Variants in GPHN observed in about 807,000 individuals in gnomAD.
The protein encoded by GPHN is gephyrin.
In GPHN, 17 loss-of-function variants were observed where a neutral mutation model predicts 95.5. That is an observed-to-expected ratio of 0.18 (90% CI 0.12 to 0.27). GPHN has a LOEUF of 0.27. Among genes scored for constraint, GPHN ranks in the 10% least tolerant of loss-of-function variants. The pLI, the probability that GPHN is intolerant of heterozygous loss-of-function variation, is 1.00. For missense variants in GPHN, 660 were observed against 978.1 expected, an observed-to-expected ratio of 0.67 and a Z score of 4.34; for synonymous variants, 320 against 322.5, an observed-to-expected ratio of 0.99 and a Z score of 0.08.
the GPHN span, among the ~76,000 whole-genome samples, chr14:67,209,555 C>T: frequency 0.16 from 23,741 of 151,886 alleles, 3,487 homozygotes; most frequent in East Asian, 0.42. Context: ...TGTGGTGGCT[C>T]ATGCCTGTAG....
chr14:67,087,128 A>G (rs1263682462), intron 11 of GPHN, among the ~76,000 whole-genome samples: 1 of 152,074 alleles, frequency 6.6e-6, no homozygotes, highest in Non-Finnish European at 1.5e-5. Flanking sequence ...GTGAGATTAT[A>G]TATGTGATTC....
chr14:67,267,165 G>T, the GPHN span, among the ~76,000 whole-genome samples: 2 of 152,054 alleles, frequency 1.3e-5, no homozygotes, highest in Non-Finnish European at 2.9e-5. Context: ...TAATTTACAT[G>T]CAACAAGATG....
intron 2 of GPHN, among the ~76,000 whole-genome samples, chr14:66,737,118 A>G (rs1439276310): frequency 6.6e-6 from 1 of 152,160 alleles, no homozygotes; most frequent in African/African-American, 2.4e-5. Context: ...AATGTTTTCT[A>G]ATAATTCTAA....
chr14:67,609,902 G>C, the GPHN span, among the ~76,000 whole-genome samples: 18 of 114,814 alleles, frequency 1.6e-4, no homozygotes, highest in Admixed American at 1.1e-3. Flanking sequence ...TCTGCACAAG[G>C]CTCCTGTCCT....
intron 2 of GPHN, among the ~76,000 whole-genome samples, chr14:66,699,445 G>A (rs544028400): frequency 6.6e-6 from 1 of 152,018 alleles, no homozygotes; most frequent in Non-Finnish European, 1.5e-5. Flanking sequence ...AGAATTGCTG[G>A]ATAATTTAAT....
chr14:66,693,591 G>T (rs2067924357), intron 2 of GPHN, among the ~76,000 whole-genome samples: 1 of 152,164 alleles, frequency 6.6e-6, no homozygotes, highest in Non-Finnish European at 1.5e-5. Context: ...CTCCAGAAGA[G>T]AGAGGAAATA....
intron 2 of GPHN, among the ~76,000 whole-genome samples, chr14:66,682,674 C>T (rs866521302): frequency 5.3e-5 from 8 of 152,050 alleles, no homozygotes; most frequent in African/African-American, 1.7e-4. Context: ...CTCTCGAACC[C>T]GGGTGGCGGA....
the GPHN span, chr14:67,224,092 T>G: frequency 2.6e-6 from 2 of 766,800 alleles, no homozygotes; most frequent in Non-Finnish European, 3.2e-6. Context: ...AATTCATCTC[T>G]CAAACCTCTC....
chr14:67,400,027 T>G, the GPHN span, among the ~76,000 whole-genome samples: 1 of 152,170 alleles, frequency 6.6e-6, no homozygotes, highest in Non-Finnish European at 1.5e-5. Context: ...TGGATTCATA[T>G]CAAAGGCCCT....
At chr14:67,508,384 T>C in the GPHN span, among the ~76,000 whole-genome samples, 1 of 152,078 alleles carries the variant, frequency 6.6e-6, no homozygotes, top group South Asian at 2.1e-4. Context: ...GGTTAGAGAA[T>C]ATCTTGTCCA....
chr14:66,884,268 T>G (rs2064076258), intron 5 of GPHN, among the ~76,000 whole-genome samples: 1 of 152,030 alleles, frequency 6.6e-6, no homozygotes, highest in Non-Finnish European at 1.5e-5. Context: ...GAGCTGTTAT[T>G]CAAGTTCTGA....
At chr14:67,695,681 A>G in the GPHN span, 43 of 1,614,108 alleles carry the variant, frequency 2.7e-5, no homozygotes, top group East Asian at 8.0e-4. Context: ...GAGGAGCAAC[A>G]GCGGGAACAT....
At chr14:66,737,252 C>T (rs566687249) in intron 2 of GPHN, among the ~76,000 whole-genome samples, 1 of 152,052 alleles carries the variant, frequency 6.6e-6, no homozygotes, top group Non-Finnish European at 1.5e-5. Context: ...TTTTCCCCTT[C>T]CCTTTCCCCT....
At chr14:66,727,611 A>G (rs2071366891) in intron 2 of GPHN, among the ~76,000 whole-genome samples, 1 of 152,212 alleles carries the variant, frequency 6.6e-6, no homozygotes, top group Admixed American at 6.5e-5. Context: ...GTTTTAGCAA[A>G]GAGACTTGCC....
chr14:66,946,671 C>T (rs951173579), intron 8 of GPHN, among the ~76,000 whole-genome samples: 4 of 152,002 alleles, frequency 2.6e-5, no homozygotes, highest in Admixed American at 6.6e-5. Flanking sequence ...CCAAAGTGCT[C>T]GGATTACAGA....
rs527680640 is a variant in GPHN at position 66,654,833 on chromosome 14, A to T, written c.65-26274A>T. On this transcript the variant is annotated intron_variant, in intron 1 of 22. Coordinates refer to ENST00000478722, the MANE Select transcript of GPHN (RefSeq NM_020806.5). ...TTTTGAGTTATTTTTTATGTAAGGC[A>T]TGAGATAGGTCGAGGTTTTTGCCTA... Among the ~76,000 whole-genome samples, 19 of 152,312 alleles carry T rather than the reference A, an allele frequency of 1.2e-4. No individual in the cohort carries two copies. In the South Asian group the frequency reaches 2.1e-3, roughly 17 times the overall value.
chr14:67,018,207 G>A (rs1025512388), intron 9 of GPHN, among the ~76,000 whole-genome samples: 1 of 152,068 alleles, frequency 6.6e-6, no homozygotes, highest in Non-Finnish European at 1.5e-5. Context: ...AGGTTGTAGT[G>A]TTGGTTGCAC....
intron 2 of GPHN, among the ~76,000 whole-genome samples, chr14:66,726,332 A>T (rs1378688167): frequency 6.6e-6 from 1 of 152,240 alleles, no homozygotes; most frequent in African/African-American, 2.4e-5. Flanking sequence ...TTTGAAATTT[A>T]AAAAAGGCAG....
intron 2 of GPHN, among the ~76,000 whole-genome samples, chr14:66,764,282 C>G (rs969533250): frequency 6.6e-6 from 1 of 151,954 alleles, no homozygotes; most frequent in South Asian, 2.1e-4. Context: ...CTGTGTCTTT[C>G]TATATAAGGG....
Sources: gnomAD v4.1 joint callset for allele counts (sites outside exome capture counted in the v4.1 genomes callset) on GRCh38, gnomAD v4.1.1 for gene constraint, MANE v1.5 for transcripts, NCBI Gene and HGNC (gene_info 2026-07-23, HGNC 2026-07-21) for gene names.